Variants in GOLPH3 observed in about 807,000 individuals in gnomAD.
GOLPH3 encodes coat protein GPP34.
GOLPH3 carries 14 observed loss-of-function variants against 28.5 expected under a neutral mutation model. The ratio of observed to expected loss-of-function variants is 0.49; its 90% confidence interval spans 0.32 to 0.77. GOLPH3 has a LOEUF of 0.77. GOLPH3 is among the 30% of genes least tolerant of loss of function. The pLI, the probability that GOLPH3 is intolerant of heterozygous loss-of-function variation, is 0.03. For synonymous variants in GOLPH3, 158 were observed against 159.2 expected (o/e 0.99, Z 0.06); for missense variants, 350 against 393.7 (o/e 0.89, Z 0.94).
At chr5:32,142,490 A>AG (rs1746092827) in intron 2 of GOLPH3, among the ~76,000 whole-genome samples, 1 of 116,256 alleles carries the variant, frequency 8.6e-6, no homozygotes, top group Non-Finnish European at 1.8e-5. Flanking sequence ...TCAGCCCCCC[A>AG]CCCAGCCAGC....
intron 1 of GOLPH3, among the ~76,000 whole-genome samples, chr5:32,145,547 G>C (rs920709284): frequency 2.0e-5 from 3 of 152,166 alleles, no homozygotes; most frequent in African/African-American, 7.2e-5. Context: ...GTTCCTAAAT[G>C]AGCCTCTACA....
chr5:32,171,177 T>G (rs1342689484), intron 1 of GOLPH3, among the ~76,000 whole-genome samples: 2 of 152,156 alleles, frequency 1.3e-5, no homozygotes, highest in Non-Finnish European at 2.9e-5. Context: ...CTTAAACATT[T>G]AGAGCAAGGG....
At chr5:32,154,160 TAAA>T (rs1561675201) in intron 1 of GOLPH3, among the ~76,000 whole-genome samples, 1 of 152,098 alleles carries the variant, frequency 6.6e-6, no homozygotes, top group Admixed American at 6.6e-5. Context: ...GTCATAATTT[TAAA>T]AAAGAAAAGA....
intron 2 of GOLPH3, among the ~76,000 whole-genome samples, chr5:32,139,209 C>A (rs1035624389): frequency 6.6e-6 from 1 of 152,082 alleles, no homozygotes; most frequent in African/African-American, 2.4e-5. Flanking sequence ...AAAAATAATA[C>A]AAATTTTAAA....
chr5:32,126,356 A>G lies in GOLPH3; in HGVS notation c.753T>C (p.Asn251=), dbSNP rs776617253. The change falls in exon 4 of 4, where the codon AAT becomes AAC. Residue 251 remains asparagine (N), a synonymous_variant. Coordinates refer to ENST00000265070, the MANE Select transcript of GOLPH3 (RefSeq NM_022130.4). ...YLAHASDVLE[N]AFAPLLDEQY... ...GCTCGTCCAGAAGAGGAGCAAAAGC[A>G]TTCTCCAGGACGTCCGAGGCATGAG... is the stretch of plus-strand genomic sequence containing the variant. 2 of 1,614,118 alleles carry G rather than the reference A, an allele frequency of 1.2e-6. No individual in the cohort carries two copies. The highest frequency in any genetic ancestry group is 4.5e-5 in the East Asian group (2 of 44,874).
chr5:32,151,673 C>T (rs1408164539), intron 1 of GOLPH3, among the ~76,000 whole-genome samples: 1 of 151,838 alleles, frequency 6.6e-6, no homozygotes, highest in African/African-American at 2.4e-5. Flanking sequence ...AGAAACCCAC[C>T]TAATTCAAAA....
intron 1 of GOLPH3, among the ~76,000 whole-genome samples, chr5:32,156,639 G>A (rs778632631): frequency 6.6e-6 from 1 of 152,116 alleles, no homozygotes; most frequent in Non-Finnish European, 1.5e-5. Context: ...GTTTTGGGAT[G>A]AGCCTGTTCC....
chr5:32,172,991 C>G lies in GOLPH3; in HGVS notation c.225+819G>C, dbSNP rs141813766. Among the ~76,000 whole-genome samples the G allele has an allele frequency of 4.1e-4, 62 of 152,260 alleles. 1 individual carries two copies. The highest frequency in any genetic ancestry group is 1.4e-3 in the African/African-American group (60 of 41,554). On this transcript the variant is annotated intron_variant, in intron 1 of 3. Coordinates refer to ENST00000265070, the MANE Select transcript of GOLPH3 (RefSeq NM_022130.4). The stretch of plus-strand genomic sequence containing the variant: ...CTTTTCTGTGTGTGAAAATTTTGGA[C>G]ACTGAAGTGAAAATAAACGCTTTCA...
chr5:32,138,961 C>A (rs1422458481), intron 2 of GOLPH3, among the ~76,000 whole-genome samples: 2 of 152,242 alleles, frequency 1.3e-5, no homozygotes, highest in African/African-American at 4.8e-5. Flanking sequence ...CCACTTCTTA[C>A]GTCCCACTCA....
chr5:32,161,646 C>T (rs547412328), intron 1 of GOLPH3, among the ~76,000 whole-genome samples: 2 of 151,172 alleles, frequency 1.3e-5, no homozygotes, highest in Non-Finnish European at 2.9e-5. Flanking sequence ...GCTACTGATA[C>T]GTCTGGAGGC....
At chr5:32,165,481 G>A (rs956514777) in intron 1 of GOLPH3, among the ~76,000 whole-genome samples, 7 of 152,126 alleles carry the variant, frequency 4.6e-5, no homozygotes, top group African/African-American at 7.2e-5. Context: ...TACTCAGAAG[G>A]TTGAGGCAGG....
At chr5:32,142,760 C>T (rs1407632171) in intron 2 of GOLPH3, among the ~76,000 whole-genome samples, 33 of 148,856 alleles carry the variant, frequency 2.2e-4, no homozygotes, top group East Asian at 8.1e-4. Context: ...CGCCTCTGCC[C>T]GGCCGCCCCT....
chr5:32,169,972 A>T, intron 1 of GOLPH3, among the ~76,000 whole-genome samples: 1 of 151,862 alleles, frequency 6.6e-6, no homozygotes, highest in East Asian at 1.9e-4. Flanking sequence ...AAAAAAAAAA[A>T]TCAATCACAA....
At chr5:32,167,409 T>C (rs1172062767) in intron 1 of GOLPH3, among the ~76,000 whole-genome samples, 1 of 152,138 alleles carries the variant, frequency 6.6e-6, no homozygotes, top group Non-Finnish European at 1.5e-5. Flanking sequence ...TGACCTCAGG[T>C]GATCCATCCA....
At chr5:32,139,621 T>C in intron 2 of GOLPH3, among the ~76,000 whole-genome samples, 1 of 152,248 alleles carries the variant, frequency 6.6e-6, no homozygotes, top group East Asian at 1.9e-4. Flanking sequence ...CTTTCAAAAA[T>C]TCAGTAGTAA....
chr5:32,142,077 G>A (rs1469763563), intron 2 of GOLPH3, among the ~76,000 whole-genome samples: 2 of 151,768 alleles, frequency 1.3e-5, no homozygotes, highest in Non-Finnish European at 2.9e-5. Context: ...CGTCTGGGAT[G>A]TGAGGAGCCC....
Position 32,141,648 on chromosome 5 carries a change from C to T in GOLPH3, c.357+2101G>A, listed in dbSNP as rs945543703. On this transcript the variant is annotated intron_variant, in intron 2 of 3. Transcript: ENST00000265070. ...CTCTTTCCACGGTCTCCCTCTGATG[C>T]CGAGCCAAAGCTGGACGGTACTGCT... Among the ~76,000 whole-genome samples, 4 of 152,378 alleles carry T rather than the reference C, an allele frequency of 2.6e-5. No individual in the cohort carries two copies. In the South Asian group the frequency reaches 6.2e-4, roughly 24 times the overall value.
Position 32,174,052 on chromosome 5 carries a change from C to G in GOLPH3, c.-18G>C. On this transcript the variant is annotated 5_prime_UTR_variant, in exon 1 of 4. Coordinates refer to ENST00000265070, the MANE Select transcript of GOLPH3 (RefSeq NM_022130.4). ...GAGGTCATGGCTCCCGCCGAGGCGC[C>G]GAGCCGGGCCGAGAGGGTCGCAGGA... 7.9e-7 allele frequency: 1 copy of G among 1,271,822 alleles called. No homozygotes were observed. Among genetic ancestry groups the G allele is most frequent in the Non-Finnish European group, 9.9e-7 (1 of 1,014,160 alleles). The allele number at this position is 1,271,822 out of a possible 1,614,324, so 78.8% of individuals were successfully genotyped here.
intron 2 of GOLPH3, among the ~76,000 whole-genome samples, chr5:32,141,835 C>A (rs923655007): frequency 2.0e-5 from 3 of 151,946 alleles, no homozygotes; most frequent in Admixed American, 2.0e-4. Flanking sequence ...AGCTCCTAAC[C>A]GCGAGTGATC....
Sources: gnomAD v4.1 joint callset for allele counts (sites outside exome capture counted in the v4.1 genomes callset) on GRCh38, gnomAD v4.1.1 for gene constraint, MANE v1.5 for transcripts, NCBI Gene and HGNC (gene_info 2026-07-23, HGNC 2026-07-21) for gene names.